Variants in GK5 observed in about 807,000 individuals in gnomAD.
GK5 encodes ATP:glycerol 3-phosphotransferase 5.
GK5 carries 39 observed loss-of-function variants against 77.3 expected under a neutral mutation model. That is an observed-to-expected ratio of 0.50 (90% CI 0.39 to 0.66). GK5 has a LOEUF of 0.66. Among genes scored for constraint, GK5 ranks in the 30% least tolerant of loss-of-function variants. The pLI is 0.00. For synonymous variants in GK5, 211 were observed against 208.0 expected, an observed-to-expected ratio of 1.01 and a Z score of -0.13; for missense variants, 487 against 633.8, an observed-to-expected ratio of 0.77 and a Z score of 2.49.
At chr3:142,187,826 T>C in intron 5 of GK5, 47 bp from the exon 6 acceptor site, 1 of 1,367,782 alleles carries the variant, frequency 7.3e-7, no homozygotes, top group Non-Finnish European at 1.0e-6. Flanking sequence ...GCTAAATTAC[T>C]AAGTGCATGA....
chr3:142,209,301 C>T (rs1019999087), intron 3 of GK5, among the ~76,000 whole-genome samples: 15 of 152,132 alleles, frequency 9.9e-5, no homozygotes, highest in Non-Finnish European at 1.2e-4. Context: ...ACAAAATGTG[C>T]TATATGTTCA....
chr3:142,222,173 C>G (rs987997579), intron 1 of GK5, among the ~76,000 whole-genome samples: 4 of 152,150 alleles, frequency 2.6e-5, no homozygotes, highest in African/African-American at 9.7e-5. Context: ...GGTAATAAAC[C>G]AGGTACTAAG....
chr3:142,205,400 A>G (rs1049562907), intron 3 of GK5, among the ~76,000 whole-genome samples: 9 of 152,194 alleles, frequency 5.9e-5, no homozygotes, highest in Non-Finnish European at 1.2e-4. Flanking sequence ...TTTCTACCCC[A>G]ACTCCAGGCC....
chr3:142,186,838 T>G (rs2063779956), intron 6 of GK5, among the ~76,000 whole-genome samples: 1 of 151,842 alleles, frequency 6.6e-6, no homozygotes. Flanking sequence ...TCCATGTTGG[T>G]CAGGCTGGTC....
At chr3:142,193,645 CAAT>C (rs2063887035) in intron 5 of GK5, among the ~76,000 whole-genome samples, 2 of 152,086 alleles carry the variant, frequency 1.3e-5, no homozygotes, top group South Asian at 2.1e-4. Context: ...CTGTATTCAA[CAAT>C]GTTTTGTACT....
chr3:142,167,529 T>C (rs2063487223), intron 15 of GK5, among the ~76,000 whole-genome samples: 1 of 152,218 alleles, frequency 6.6e-6, no homozygotes, highest in African/African-American at 2.4e-5. Context: ...GAATTTATTG[T>C]TTACATTTTA....
chr3:142,208,406 T>G (rs2064141963), intron 3 of GK5, among the ~76,000 whole-genome samples: 1 of 152,250 alleles, frequency 6.6e-6, no homozygotes, highest in African/African-American at 2.4e-5. Context: ...CTAAGAGTTT[T>G]TAGTTTATAG....
rs573478366 is a variant in GK5 at position 142,192,590 on chromosome 3, C to T, written c.544-4811G>A. 1.4e-3 allele frequency among the ~76,000 whole-genome samples: 217 copies of T among 152,082 alleles called. 1 individual carries two copies. The highest frequency in any genetic ancestry group is 4.9e-3 in the African/African-American group (204 of 41,490). ...AGCAGCCTGGCCAACATGATGAAAT[C>T]CCGTCTCTACTAAAAATACAAAAAT... is the stretch of plus-strand genomic sequence containing the variant. On this transcript the variant is annotated intron_variant, in intron 5 of 15. Coordinates refer to ENST00000392993, the MANE Select transcript of GK5 (RefSeq NM_001039547.3).
intron 5 of GK5, among the ~76,000 whole-genome samples, chr3:142,196,719 A>G (rs537598599): frequency 2.0e-5 from 3 of 152,282 alleles, no homozygotes; most frequent in Non-Finnish European, 2.9e-5. Flanking sequence ...TGAGGCTTGT[A>G]GTATGGCCTA....
chr3:142,186,235 A>C lies in GK5; in HGVS notation c.714T>G (p.Ile238Met). The change falls in exon 8 of 16, where the codon ATT becomes ATG. Residue 238 changes from isoleucine to methionine, a missense_variant. By Grantham distance (10) the Ile-to-Met change is conservative. This residue lies in a region of GK5 where 323 missense variants were observed against 437.4 expected (regional missense o/e 0.74). Transcript: ENST00000392993. ...MCWSGMITSLISIPLSLLPPV... is the reference protein window; with the variant it reads ...MCWSGMITSLMSIPLSLLPPV... ...GAGGTAGGAGAGAAAGTGGTATCGA[A>C]ATTAGAGAGGTAATCATCCCACTCC... The C allele has an allele frequency of 6.2e-7, 1 of 1,607,334 alleles. No individual in the cohort carries two copies. Among genetic ancestry groups the C allele is most frequent in the Admixed American group, 1.7e-5 (1 of 59,988 alleles).
chr3:142,186,625 ATTTTCTTTTT>A (rs907168398), intron 6 of GK5, 112 bp from the exon 7 acceptor site: 2 of 337,902 alleles, frequency 5.9e-6, no homozygotes, highest in African/African-American at 2.4e-5. Flanking sequence ...CAAAATGTGT[ATTTTCTTTTT>A]TTTTTTTTTT....
intron 12 of GK5, chr3:142,173,182 C>CA (rs1318617665): frequency 2.3e-6 from 1 of 429,376 alleles, no homozygotes. Context: ...GCCTAGGTGA[C>CA]AGAGTGAGAC....
At chr3:142,217,276 A>G (rs1230522077) in intron 1 of GK5, among the ~76,000 whole-genome samples, 1 of 152,230 alleles carries the variant, frequency 6.6e-6, no homozygotes, top group Non-Finnish European at 1.5e-5. Flanking sequence ...ATATCAGGAC[A>G]TCATGAAGAA....
At chr3:142,185,126 A>C (rs1249509916) in intron 9 of GK5, 1 of 985,210 alleles carries the variant, frequency 1.0e-6, no homozygotes, top group East Asian at 1.1e-4. Flanking sequence ...TAAAAATCAA[A>C]AACAGGCTTG....
At chr3:142,214,756 A>T (rs7649419) in intron 2 of GK5, among the ~76,000 whole-genome samples, 69 of 152,362 alleles carry the variant, frequency 4.5e-4, no homozygotes, top group African/African-American at 1.6e-3. Context: ...GACAAGAGCA[A>T]ATACTGAAGA....
At chr3:142,182,533 G>C (rs1387196676) in intron 10 of GK5, among the ~76,000 whole-genome samples, 1 of 152,050 alleles carries the variant, frequency 6.6e-6, no homozygotes, top group Non-Finnish European at 1.5e-5. Context: ...ATTTTTAGTA[G>C]AGACGGGGTT....
rs1398126480 is a variant in GK5 at position 142,159,412 on chromosome 3, C to A, written c.*6210G>T. ...TAAACACAGCCATTTTATAACAGAT[C>A]AAATTTATAGTAAAGTGGGGAAAGA... On this transcript the variant is annotated 3_prime_UTR_variant, in exon 16 of 16. Coordinates refer to ENST00000392993, the MANE Select transcript of GK5 (RefSeq NM_001039547.3). 1.3e-5 allele frequency: 2 copies of A among 152,056 alleles called. No individual in the cohort carries two copies. Among genetic ancestry groups the A allele is most frequent in the African/African-American group, 4.8e-5 (2 of 41,400 alleles). The allele number at this position is 152,056 out of a possible 1,614,324, so 9.4% of individuals were successfully genotyped here. A position where few individuals can be genotyped will look rare whatever the true frequency, so the allele number is the denominator to read the frequency against.
chr3:142,215,493 C>T (rs2064261159), intron 2 of GK5, 106 bp downstream of exon 2: 2 of 578,100 alleles, frequency 3.5e-6, no homozygotes, highest in Non-Finnish European at 3.0e-6. Context: ...CAATAAAATA[C>T]TATATATATG....
At chr3:142,204,077 G>C (rs1247838410) in intron 4 of GK5, 1 of 156,302 alleles carries the variant, frequency 6.4e-6, no homozygotes, top group African/African-American at 2.4e-5. Flanking sequence ...GAGTGCCCTG[G>C]AGTGCAGTGG....
Sources: gnomAD v4.1 joint callset for allele counts (sites outside exome capture counted in the v4.1 genomes callset) on GRCh38, gnomAD v4.1.1 for gene constraint, gnomAD v4.1.1 regional missense constraint, MANE v1.5 for transcripts, NCBI Gene and HGNC (gene_info 2026-07-23, HGNC 2026-07-21) for gene names.